LONP1: variants seen among roughly 807,000 people sequenced by gnomAD.
LONP1 encodes lon peptidase 1, mitochondrial, also known as lon protease homolog, mitochondrial.
Under a neutral mutation model 98.5 loss-of-function variants are expected in LONP1, and 31 were observed. That is an observed-to-expected ratio of 0.31 (90% CI 0.24 to 0.42). LONP1 has a LOEUF of 0.42. Ranked by LOEUF, LONP1 falls within the 20% of genes least tolerant of loss-of-function variation. The pLI, the probability that LONP1 is intolerant of heterozygous loss-of-function variation, is 1.00. For synonymous variants in LONP1, 781 were observed against 594.7 expected, an observed-to-expected ratio of 1.31 and a Z score of -4.56; for missense variants, 1,336 against 1,350.6, an observed-to-expected ratio of 0.99 and a Z score of 0.17.
At chr19:5,699,416 G>C (rs550384902) in intron 9 of LONP1, among the ~76,000 whole-genome samples, 7 of 152,170 alleles carry the variant, frequency 4.6e-5, no homozygotes, top group Non-Finnish European at 7.3e-5. Flanking sequence ...TAACACCAAA[G>C]GACAACTAGG....
At chr19:5,698,811 G>C (rs1027801855) in intron 10 of LONP1, among the ~76,000 whole-genome samples, 2 of 152,236 alleles carry the variant, frequency 1.3e-5, no homozygotes, top group East Asian at 3.8e-4. Flanking sequence ...CAGGGGTCAA[G>C]CCATGGAGGT....
At chr19:5,703,180 CAA>C (rs35471644) in intron 8 of LONP1, among the ~76,000 whole-genome samples, 21 of 77,052 alleles carry the variant, frequency 2.7e-4, no homozygotes, top group South Asian at 5.1e-4. Flanking sequence ...GACTCCATCT[CAA>C]AAAAAAAAAA....
At position 5,711,651 on chromosome 19, in the gene LONP1, G is replaced by T. The variant is rs551442245; in HGVS notation, c.870+120C>A. ...TCCATTAGAATTGAGTTCCAGACAG[G>T]CCAGACCCTTCCTAAGGGGCTCAGG... On this transcript the variant is annotated intron_variant, in intron 4 of 17. Transcript: ENST00000360614. 83 of 801,172 alleles carry T rather than the reference G, an allele frequency of 1.0e-4. No individual in the cohort carries two copies. In the South Asian group the frequency reaches 1.4e-3, roughly 13 times the overall value. The allele number at this position is 801,172 out of a possible 1,614,324, so 49.6% of individuals were successfully genotyped here.
Position 5,691,918 on chromosome 19 carries a change from G to C in LONP1, c.*114C>G. ...GAGGTCCCTGGGATCTGGGTCACTGGACCGAGCTGCTCGCTCGGTGGCTCC... is the reference window on the plus strand; with the variant it reads ...GAGGTCCCTGGGATCTGGGTCACTGCACCGAGCTGCTCGCTCGGTGGCTCC... On this transcript the variant is annotated 3_prime_UTR_variant, in exon 18 of 18. Coordinates refer to ENST00000360614, the MANE Select transcript of LONP1 (RefSeq NM_004793.4). The C allele has an allele frequency of 8.1e-7, 1 of 1,228,464 alleles. No individual in the cohort carries two copies. The highest frequency in any genetic ancestry group is 1.5e-5 in the African/African-American group (1 of 67,220). 76.1% of individuals were successfully genotyped at this position (1,228,464 alleles called of 1,614,324 possible).
Position 5,691,994 on chromosome 19 carries a change from G to C in LONP1, c.*38C>G. ...ACAGCGCTCAGTTCTGGCCCAGACA[G>C]GGCCTGACATCCGCCGCCTGCAGTC... On this transcript the variant is annotated 3_prime_UTR_variant, in exon 18 of 18. Transcript: ENST00000360614. 6.3e-7 allele frequency: 1 copy of C among 1,591,408 alleles called. No individual in the cohort carries two copies. Among genetic ancestry groups the C allele is most frequent in the Non-Finnish European group, 8.6e-7 (1 of 1,167,976 alleles).
chr19:5,701,503 CTATT>C (rs1418821371), intron 8 of LONP1, among the ~76,000 whole-genome samples: 2 of 151,936 alleles, frequency 1.3e-5, no homozygotes, highest in South Asian at 4.2e-4. Flanking sequence ...ACTGGTTTTC[CTATT>C]TTTTTGGTGG....
chr19:5,696,357 G>C lies in LONP1; in HGVS notation c.1788C>G (p.Gly596=). 6.2e-7 allele frequency: 1 copy of C among 1,613,018 alleles called. No homozygotes were observed. Reference sequence around the variant, plus strand: ...ACGACGGGTCCCCCTGGTAGCCTCGGCCGATCTTGTCCACCTGGGGCAGCA... The same window carrying C: ...ACGACGGGTCCCCCTGGTAGCCTCGCCCGATCTTGTCCACCTGGGGCAGCA... ...LILIDEVDKI[G]RGYQGDPSSA... Residue 596 remains glycine, a synonymous_variant, in exon 12 of 18, where the codon GGC becomes GGG. Transcript: ENST00000360614.
Position 5,700,858 on chromosome 19 carries a change from G to A in LONP1, c.1437C>T (p.Asp479=), listed in dbSNP as rs752136231. Residue 479 remains aspartate, a synonymous_variant, in exon 9 of 18, where the codon GAC becomes GAT. Coordinates refer to ENST00000360614, the MANE Select transcript of LONP1 (RefSeq NM_004793.4). ...PWGKYSNENL[D]LARAQAVLEE... ...CCAGCACTGCCTGTGCCCGCGCCAG[G>A]TCCAGGTTCTCGTTGCTGTACTTGC... 6.2e-6 allele frequency: 10 copies of A among 1,614,110 alleles called. No homozygotes were observed. The highest frequency in any genetic ancestry group is 4.0e-5 in the African/African-American group (3 of 74,948).
rs368406441 is a variant in LONP1, at chr19:5,696,394, G to A, written c.1774-23C>T. 730 of 1,609,794 alleles carry A rather than the reference G, an allele frequency of 4.5e-4. 1 individual carries two copies. The highest frequency in any genetic ancestry group is 3.6e-3 in the South Asian group (329 of 90,774). ...CACCTGGGGCAGCAGACAGCAGGTG[G>A]TGCCCCTCGCCGTGCCCCTGGCCAG... On this transcript the variant is annotated intron_variant, in intron 11 of 17. Transcript: ENST00000360614.
chr19:5,694,444 G>A lies in LONP1; in HGVS notation c.2263C>T (p.Arg755Cys), dbSNP rs200716943. 1.3e-5 allele frequency: 21 copies of A among 1,613,322 alleles called. No individual in the cohort carries two copies. Among genetic ancestry groups the A allele is most frequent in the Non-Finnish European group, 1.5e-5 (18 of 1,180,028 alleles). ...FVGKPVFTVE[R>C]MYDVTPPGVV... ...CCGGGCGGTGTCACGTCATACATGC[G>A]CTCCACGGTGAACACGGGCTTCCCC... The change falls in exon 15 of 18, where the codon CGC (arginine) becomes TGC (cysteine). Residue 755 changes from arginine to cysteine, a missense_variant. Arg to Cys is a radical substitution (Grantham distance 180). This residue lies in a region of LONP1 where 555 missense variants were observed against 542.6 expected (regional missense o/e 1.02). Transcript: ENST00000360614.
chr19:5,708,548 G>A (rs1351141281), intron 4 of LONP1, 145 bp from the exon 5 acceptor site: 25 of 648,390 alleles, frequency 3.9e-5, no homozygotes, highest in Non-Finnish European at 5.5e-5. Flanking sequence ...CGGACGGCCT[G>A]GGAGATGGAG....
chr19:5,692,305 TAC>T (rs767729276), intron 17 of LONP1, 97 bp from the exon 18 acceptor site: 32 of 1,190,818 alleles, frequency 2.7e-5, no homozygotes, highest in Non-Finnish European at 3.7e-5. Context: ...GGACCGGCGA[TAC>T]ACAGTGATGC....
In LONP1 at chr19:5,694,910, G is replaced by T; in HGVS notation, c.2014-9C>A. On this transcript the variant is annotated splice_polypyrimidine_tract_variant and intron_variant, in intron 13 of 17. Coordinates refer to ENST00000360614, the MANE Select transcript of LONP1 (RefSeq NM_004793.4). ...TGGGGCACCAGGTAGCGCTGCAAGG[G>T]CAACCGTCAGGGTTGGGTCTGGAGG... is the stretch of plus-strand genomic sequence containing the variant. 1 of 1,589,612 alleles carries T rather than the reference G, an allele frequency of 6.3e-7. No individual in the cohort carries two copies. The highest frequency in any genetic ancestry group is 8.6e-7 in the Non-Finnish European group (1 of 1,161,092).
intron 17 of LONP1, 30 bp from the exon 18 acceptor site, chr19:5,692,238 T>G: frequency 6.3e-7 from 1 of 1,582,628 alleles, no homozygotes; most frequent in Non-Finnish European, 8.6e-7. Flanking sequence ...CAGCCCTGCC[T>G]GGGCCTGTGG....
At chr19:5,707,181 T>G (rs1212328246) in intron 6 of LONP1, 38 bp from the exon 7 acceptor site, 4 of 1,582,032 alleles carry the variant, frequency 2.5e-6, no homozygotes, top group Non-Finnish European at 3.5e-6. Flanking sequence ...TGAGCAGAAG[T>G]CGGCATCTGT....
intron 1 of LONP1, among the ~76,000 whole-genome samples, chr19:5,715,989 T>C (rs2055312180): frequency 6.6e-6 from 1 of 151,918 alleles, no homozygotes; most frequent in South Asian, 2.1e-4. Flanking sequence ...GCTAATGATG[T>C]CTTCTAAGAA....
At position 5,706,004 on chromosome 19, in the gene LONP1, G is replaced by A. The variant is rs768494175; in HGVS notation, c.1147-12C>T. On this transcript the variant is annotated splice_polypyrimidine_tract_variant and intron_variant, in intron 7 of 17. Transcript: ENST00000360614. ...ATCTTCTCCTCCACCTGTGGGGTGAGGTGCTGCCATCAGGCCCTGGCTCCG... is the reference window on the plus strand; with the variant it reads ...ATCTTCTCCTCCACCTGTGGGGTGAAGTGCTGCCATCAGGCCCTGGCTCCG... The A allele has an allele frequency of 6.9e-6, 11 of 1,600,994 alleles. No individual in the cohort carries two copies. The highest frequency in any genetic ancestry group is 4.0e-5 in the African/African-American group (3 of 74,746).
At chr19:5,702,290 A>G (rs567296629) in intron 8 of LONP1, among the ~76,000 whole-genome samples, 73 of 127,910 alleles carry the variant, frequency 5.7e-4, no homozygotes, top group African/African-American at 2.1e-3. Context: ...CAGCTGCCCC[A>G]TCCGGGAGGG....
intron 8 of LONP1, 151 bp from the exon 9 acceptor site, chr19:5,701,078 C>G (rs1242589252): frequency 1.2e-6 from 1 of 831,632 alleles, no homozygotes. Flanking sequence ...CTTTGGGAGG[C>G]CCAGGTGGGA....
Sources: gnomAD v4.1 joint callset for allele counts (sites outside exome capture counted in the v4.1 genomes callset) on GRCh38, gnomAD v4.1.1 for gene constraint, gnomAD v4.1.1 regional missense constraint, MANE v1.5 for transcripts, NCBI Gene and HGNC (gene_info 2026-07-23, HGNC 2026-07-21) for gene names.